Variants in NTNG2 observed in about 807,000 individuals in gnomAD.
NTNG2 encodes the protein netrin-G2.
NTNG2 carries 15 observed loss-of-function variants against 47.6 expected under a neutral mutation model. The observed-to-expected ratio is 0.32, with a 90% CI of 0.21 to 0.49. The LOEUF (loss-of-function observed/expected upper bound fraction) is 0.49. NTNG2 is among the 20% of genes least tolerant of loss of function. The pLI is 0.99. For missense variants in NTNG2, 578 were observed against 764.6 expected, an observed-to-expected ratio of 0.76 and a Z score of 2.88; for synonymous variants, 307 against 324.6, an observed-to-expected ratio of 0.95 and a Z score of 0.58.
At chr9:132,203,380 T>A (rs1254459069) in intron 3 of NTNG2, among the ~76,000 whole-genome samples, 1 of 151,726 alleles carries the variant, frequency 6.6e-6, no homozygotes, top group Non-Finnish European at 1.5e-5. Context: ...ATAATAAAAA[T>A]AATGAGAAGA....
intron 2 of NTNG2, among the ~76,000 whole-genome samples, chr9:132,189,273 C>T (rs1018477460): frequency 6.3e-4 from 96 of 151,380 alleles, no homozygotes; most frequent in African/African-American, 2.2e-3. Flanking sequence ...AGGTTTTTTT[C>T]TGTAGAGATG....
intron 5 of NTNG2, among the ~76,000 whole-genome samples, chr9:132,235,184 C>T (rs563324363): frequency 4.9e-4 from 75 of 152,286 alleles, no homozygotes; most frequent in African/African-American, 1.2e-4. Flanking sequence ...CCCTGGATTG[C>T]GGCTGGACAG....
At chr9:132,209,958 G>A (rs1251380198) in intron 3 of NTNG2, among the ~76,000 whole-genome samples, 1 of 152,012 alleles carries the variant, frequency 6.6e-6, no homozygotes, top group African/African-American at 2.4e-5. Context: ...GGAAGTGATC[G>A]GGGTGGGCGG....
At chr9:132,172,968 A>G (rs1054409373) in intron 2 of NTNG2, among the ~76,000 whole-genome samples, 5 of 152,000 alleles carry the variant, frequency 3.3e-5, no homozygotes, top group South Asian at 2.1e-4. Flanking sequence ...TGACCTCGTG[A>G]TCCACCCACC....
In NTNG2 at chr9:132,236,201, A is replaced by G. The variant is rs919075687; in HGVS notation, c.1055-2903A>G. On this transcript the variant is annotated intron_variant, in intron 5 of 7. Coordinates refer to ENST00000393229, the MANE Select transcript of NTNG2 (RefSeq NM_032536.4). The surrounding 1 kb of genome is among the most constrained non-coding windows in gnomAD (Gnocchi z 4.3). ...ACTGTGGTGGGTGAAGGGAGAAGGC[A>G]GCACATTCCAGGCCGCAGGGCCAGC... Among the ~76,000 whole-genome samples, 3 of 152,214 alleles carry G rather than the reference A, an allele frequency of 2.0e-5. No homozygotes were observed. The highest frequency in any genetic ancestry group is 4.4e-5 in the Non-Finnish European group (3 of 68,028).
chr9:132,174,446 C>A (rs1030592216), intron 2 of NTNG2, among the ~76,000 whole-genome samples: 1 of 152,152 alleles, frequency 6.6e-6, no homozygotes, highest in African/African-American at 2.4e-5. Context: ...GGAGATGGGG[C>A]CCGGGGGCAT....
intron 3 of NTNG2, among the ~76,000 whole-genome samples, chr9:132,224,468 TC>T (rs1840587165): frequency 6.6e-6 from 1 of 152,112 alleles, no homozygotes; most frequent in Admixed American, 6.6e-5. Flanking sequence ...TTATCCTCCC[TC>T]CCTGTCCCCT....
At chr9:132,211,945 CATTT>C (rs1461058680) in intron 3 of NTNG2, among the ~76,000 whole-genome samples, 2 of 152,180 alleles carry the variant, frequency 1.3e-5, no homozygotes, top group Non-Finnish European at 2.9e-5. Context: ...GTCAGTCATT[CATTT>C]ATTCATTCAT....
chr9:132,220,372 T>TTCTTC (rs1281810562), intron 3 of NTNG2, among the ~76,000 whole-genome samples: 2 of 152,180 alleles, frequency 1.3e-5, no homozygotes, highest in Non-Finnish European at 2.9e-5. Flanking sequence ...CTATTTTTTT[T>TTCTTC]TCTTCTGTTG....
At chr9:132,209,667 G>A (rs761810668) in intron 3 of NTNG2, among the ~76,000 whole-genome samples, 31 of 152,218 alleles carry the variant, frequency 2.0e-4, no homozygotes, top group Non-Finnish European at 3.7e-4. Context: ...CCGGGAGTCC[G>A]GGATGAAGGC....
rs1210638777 is a variant in NTNG2, at chr9:132,208,068, C to T, written c.857+9459C>T. On this transcript the variant is annotated intron_variant, in intron 3 of 7. Coordinates refer to ENST00000393229, the MANE Select transcript of NTNG2 (RefSeq NM_032536.4). This position sits in a 1 kb window ranked among gnomAD's most constrained non-coding sequence, Gnocchi z 4.0. ...GCAGTGAGTTATGACTGTGCTACTG[C>T]ACTCCAGCCTGGGCAACAGAGCGAG... 6.6e-6 allele frequency among the ~76,000 whole-genome samples: 1 copy of T among 152,150 alleles called. No individual in the cohort carries two copies. The highest frequency in any genetic ancestry group is 1.5e-5 in the Non-Finnish European group (1 of 68,020).
chr9:132,201,592 G>C (rs1589450305), intron 3 of NTNG2, among the ~76,000 whole-genome samples: 1 of 152,178 alleles, frequency 6.6e-6, no homozygotes, highest in South Asian at 2.1e-4. Context: ...GGGTTCCCAG[G>C]CTCTGGGATT....
rs1410741434 is a variant in NTNG2 at position 132,244,257 on chromosome 9, C to T, written c.*2146C>T. The T allele has an allele frequency of 6.6e-6, 1 of 152,244 alleles. No individual in the cohort carries two copies. Among genetic ancestry groups the T allele is most frequent in the African/African-American group, 2.4e-5 (1 of 41,434 alleles). 9.4% of individuals were successfully genotyped at this position (152,244 alleles called of 1,614,324 possible). ...TGAGACACTGAGCATAACAGTGTCA[C>T]CCTCAGGATAGTGAAGGGTGGAGCC... On this transcript the variant is annotated 3_prime_UTR_variant, in exon 8 of 8. Transcript: ENST00000393229.
In NTNG2 at chr9:132,198,691, G is replaced by T. The variant is rs1313256202; in HGVS notation, c.857+82G>T. ...TGGGACGTTATTGGATACCTGGGAT[G>T]TTACCTGGTATGTGGAACATGACCG... On this transcript the variant is annotated intron_variant, in intron 3 of 7. Coordinates refer to ENST00000393229, the MANE Select transcript of NTNG2 (RefSeq NM_032536.4). 4 of 1,398,314 alleles carry T rather than the reference G, an allele frequency of 2.9e-6. No individual in the cohort carries two copies. The African/African-American group carries it at 5.7e-5, about 20-fold the overall frequency. The allele number at this position is 1,398,314 out of a possible 1,614,324, so 86.6% of individuals were successfully genotyped here. A position where few individuals can be genotyped will look rare whatever the true frequency, so the allele number is the denominator to read the frequency against.
At chr9:132,234,147 G>C (rs569959594) in intron 5 of NTNG2, among the ~76,000 whole-genome samples, 1 of 151,768 alleles carries the variant, frequency 6.6e-6, no homozygotes, top group African/African-American at 2.4e-5. Context: ...TCCTGCCTCA[G>C]CCTCCCGAGT....
At chr9:132,170,489 G>A (rs367869133) in intron 2 of NTNG2, among the ~76,000 whole-genome samples, 1 of 152,284 alleles carries the variant, frequency 6.6e-6, no homozygotes, top group African/African-American at 2.4e-5. Context: ...GAAGGGCGAC[G>A]GGCAAAGGCA....
rs1842080282 is a variant in NTNG2, at chr9:132,243,113, C to T, written c.*1002C>T. ...AAAAAAGAAATCCGGAGTGTATTGG[C>T]CCTTTTCTACAGAAGTCCAAGGGAA... On this transcript the variant is annotated 3_prime_UTR_variant, in exon 8 of 8. Coordinates refer to ENST00000393229, the MANE Select transcript of NTNG2 (RefSeq NM_032536.4). 6.6e-6 allele frequency: 1 copy of T among 152,192 alleles called. No individual in the cohort carries two copies. The highest frequency in any genetic ancestry group is 2.1e-4 in the South Asian group (1 of 4,832). The allele number at this position is 152,192 out of a possible 1,614,324, so 9.4% of individuals were successfully genotyped here. A position where few individuals can be genotyped will look rare whatever the true frequency, so the allele number is the denominator to read the frequency against.
At chr9:132,216,732 G>T (rs533727158) in intron 3 of NTNG2, among the ~76,000 whole-genome samples, 1 of 152,262 alleles carries the variant, frequency 6.6e-6, no homozygotes, top group Admixed American at 6.5e-5. Flanking sequence ...TTCAGAGAGC[G>T]ATCGCTTGGG....
At position 132,162,709 on chromosome 9, in the gene NTNG2, C is replaced by T. The variant is rs1835163482; in HGVS notation, c.-484+470C>T. ...CTCTCCCCCACCCCAATTCCACCGC[C>T]ACCGCTTAGAGCCACCCCCATCCCG... On this transcript the variant is annotated intron_variant, in intron 1 of 7. Coordinates refer to ENST00000393229, the MANE Select transcript of NTNG2 (RefSeq NM_032536.4). This position sits in a 1 kb window ranked among gnomAD's most constrained non-coding sequence, Gnocchi z 4.6. Among the ~76,000 whole-genome samples the T allele has an allele frequency of 6.6e-6, 1 of 151,740 alleles. No homozygotes were observed. Among genetic ancestry groups the T allele is most frequent in the Non-Finnish European group, 1.5e-5 (1 of 67,916 alleles).
Sources: gnomAD v4.1 joint callset for allele counts (sites outside exome capture counted in the v4.1 genomes callset) on GRCh38, gnomAD v4.1.1 for gene constraint, Gnocchi (gnomAD v3.1) non-coding constraint, MANE v1.5 for transcripts, NCBI Gene and HGNC (gene_info 2026-07-23, HGNC 2026-07-21) for gene names.